FGF13: variants seen among roughly 807,000 people sequenced by gnomAD.
FGF13 encodes the protein fibroblast growth factor homologous factor 2.
Under a neutral mutation model 19.5 loss-of-function variants are expected in FGF13, and 2 were observed. The ratio of observed to expected loss-of-function variants is 0.10; its 90% CI spans 0.04 to 0.32. The LOEUF (loss-of-function observed/expected upper bound fraction) is 0.32. Among genes scored for constraint, FGF13 ranks in the 10% least tolerant of loss-of-function variants. The pLI is 1.00. For synonymous variants in FGF13, 72 were observed against 76.9 expected, an observed-to-expected ratio of 0.94 and a Z score of 0.33; for missense variants, 113 against 192.7, an observed-to-expected ratio of 0.59 and a Z score of 2.45.
intron 1 of FGF13, among the ~76,000 whole-genome samples, chrX:138,719,420 T>C (rs1569374247): frequency 8.9e-6 from 1 of 112,192 alleles, no homozygotes; most frequent in Non-Finnish European, 1.9e-5. Context: ...CTTAATGTTA[T>C]TCTATGTTTC....
At chrX:138,726,406 T>C (rs2090186136) in intron 1 of FGF13, among the ~76,000 whole-genome samples, 1 of 112,166 alleles carries the variant, frequency 8.9e-6, no homozygotes, top group African/African-American at 3.2e-5. Flanking sequence ...TTCAATTTTT[T>C]CTATTGTGAA....
intron 1 of FGF13, among the ~76,000 whole-genome samples, chrX:138,992,116 G>C (rs1029786080): frequency 2.7e-5 from 3 of 111,074 alleles, no homozygotes; most frequent in Admixed American, 9.6e-5. Flanking sequence ...ACATGTGTGT[G>C]TGTGTGTTTG....
chrX:139,003,049 G>A (rs1227233414), intron 1 of FGF13, among the ~76,000 whole-genome samples: 1 of 112,335 alleles, frequency 8.9e-6, no homozygotes. Flanking sequence ...CAGTGTGTCC[G>A]GAATTGGTGG....
chrX:138,822,076 A>C (rs2091003210), intron 3 of FGF13, among the ~76,000 whole-genome samples: 1 of 111,786 alleles, frequency 8.9e-6, no homozygotes, highest in South Asian at 3.8e-4. Context: ...ATCAAGATCA[A>C]GTCAAGAAAT....
chrX:139,112,908 G>A (rs751134381), intron 1 of FGF13, among the ~76,000 whole-genome samples: 1 of 110,015 alleles, frequency 9.1e-6, no homozygotes, highest in Admixed American at 9.8e-5. Flanking sequence ...TCCAGGACCT[G>A]GAACAGTGCC....
chrX:139,181,072 T>C (rs1216247267), intron 1 of FGF13, among the ~76,000 whole-genome samples: 1 of 112,268 alleles, frequency 8.9e-6, no homozygotes, highest in Non-Finnish European at 1.9e-5. Flanking sequence ...TCATCAACCA[T>C]TTACCTAAAG....
At chrX:138,689,275 A>G (rs1455793286) in intron 3 of FGF13, among the ~76,000 whole-genome samples, 1 of 112,044 alleles carries the variant, frequency 8.9e-6, no homozygotes, top group Non-Finnish European at 1.9e-5. Flanking sequence ...TACTATTATT[A>G]TCTCTCATTT....
At chrX:138,724,969 A>C (rs761719535) in intron 1 of FGF13, among the ~76,000 whole-genome samples, 1 of 112,196 alleles carries the variant, frequency 8.9e-6, no homozygotes, top group Non-Finnish European at 1.9e-5. Flanking sequence ...TCTGTACTAT[A>C]TTTGCAACTT....
At chrX:138,886,880 C>T (rs10521791) in intron 1 of FGF13, among the ~76,000 whole-genome samples, 5,124 of 111,784 alleles carry the variant, frequency 0.046, 302 homozygotes, top group African/African-American at 0.16. Flanking sequence ...ATTCAATAGT[C>T]ACTTTTAAGT....
intron 1 of FGF13, among the ~76,000 whole-genome samples, chrX:138,975,994 C>T (rs1304295085): frequency 9.0e-6 from 1 of 111,571 alleles, no homozygotes; most frequent in Non-Finnish European, 1.9e-5. Context: ...TCATTGGACA[C>T]TTCTCACTTT....
At chrX:139,197,941 C>T (rs2084386062) in intron 1 of FGF13, among the ~76,000 whole-genome samples, 1 of 88,542 alleles carries the variant, frequency 1.1e-5, no homozygotes, top group African/African-American at 4.4e-5. Context: ...TTGCAGTGAG[C>T]GGAGATTGTG....
chrX:138,913,958 C>A (rs1488103765), intron 1 of FGF13, among the ~76,000 whole-genome samples: 1 of 110,061 alleles, frequency 9.1e-6, no homozygotes, highest in East Asian at 2.9e-4. Flanking sequence ...TGTGCTTGAA[C>A]CAGGTGAGCT....
At chrX:138,816,098 G>GATAA (rs1363204017) in intron 3 of FGF13, among the ~76,000 whole-genome samples, 1 of 111,596 alleles carries the variant, frequency 9.0e-6, no homozygotes, top group Non-Finnish European at 1.9e-5. Context: ...ACATATAACA[G>GATAA]ATAAATGGCT....
At chrX:139,051,539 C>A (rs886551943) in intron 1 of FGF13, among the ~76,000 whole-genome samples, 1 of 111,951 alleles carries the variant, frequency 8.9e-6, no homozygotes, top group African/African-American at 3.2e-5. Flanking sequence ...CTCTGTGGCA[C>A]CTCTGTGGAA....
intron 1 of FGF13, among the ~76,000 whole-genome samples, chrX:138,982,460 A>C (rs1051961558): frequency 1.8e-5 from 2 of 111,731 alleles, no homozygotes; most frequent in Non-Finnish European, 3.8e-5. Flanking sequence ...AGAGGACAAA[A>C]CCCCAGCTCA....
intron 1 of FGF13, among the ~76,000 whole-genome samples, chrX:139,100,558 C>T (rs755103439): frequency 1.8e-5 from 2 of 110,941 alleles, no homozygotes; most frequent in Non-Finnish European, 3.8e-5. Flanking sequence ...AAAAAACTTA[C>T]GTTTAAAGGA....
intron 3 of FGF13, among the ~76,000 whole-genome samples, chrX:138,774,462 T>C (rs1172325888): frequency 1.8e-5 from 2 of 111,616 alleles, no homozygotes; most frequent in Admixed American, 1.9e-4. Context: ...TAGAAAAGCA[T>C]AGCACTTTGG....
chrX:138,884,761 T>A (rs1223939504), intron 1 of FGF13, among the ~76,000 whole-genome samples: 1 of 111,991 alleles, frequency 8.9e-6, no homozygotes, highest in African/African-American at 3.3e-5. Context: ...AGGAAGTCGA[T>A]ATTTATTGAC....
At chrX:138,838,915 T>C (rs1253883612) in intron 3 of FGF13, among the ~76,000 whole-genome samples, 2 of 111,614 alleles carry the variant, frequency 1.8e-5, no homozygotes, top group East Asian at 5.6e-4. Flanking sequence ...CTATTTTACA[T>C]GTGAGAAATA....
Sources: allele counts gnomAD v4.1 joint callset (sites outside exome capture counted in the v4.1 genomes callset), GRCh38; gene constraint gnomAD v4.1.1; transcripts MANE v1.5; gene names NCBI Gene and HGNC (gene_info 2026-07-23, HGNC 2026-07-21).